The following PTK2 variants were observed in gnomAD, a reference collection of about 807,000 sequenced individuals.
PTK2 encodes protein tyrosine kinase 2, also known as focal adhesion kinase 1.
Under a neutral mutation model 150.1 loss-of-function variants are expected in PTK2, and 45 were observed. That is an observed-to-expected ratio of 0.30 (90% CI 0.24 to 0.38). The LOEUF (loss-of-function observed/expected upper bound fraction) is 0.38, where lower values mean the gene tolerates loss of function less well. PTK2 is among the 10% of genes least tolerant of loss of function. The pLI is 1.00. For missense variants in PTK2, 919 were observed against 1,307.3 expected (o/e 0.70, Z 4.58); for synonymous variants, 432 against 449.2 (o/e 0.96, Z 0.48).
At chr8:140,680,355 G>C (rs2100016294) in intron 27 of PTK2, among the ~76,000 whole-genome samples, 2 of 152,102 alleles carry the variant, frequency 1.3e-5, no homozygotes, top group Non-Finnish European at 2.9e-5. Flanking sequence ...AGCCTTCTGA[G>C]TAGCTGGGAT....
At chr8:140,853,001 AACCAGATAATTTAT>A (rs975592698) in intron 5 of PTK2, among the ~76,000 whole-genome samples, 4 of 152,182 alleles carry the variant, frequency 2.6e-5, no homozygotes, top group East Asian at 1.9e-4. Context: ...CACCAATTTG[AACCAGATAATTTAT>A]GCACACACTG....
At chr8:140,975,678 G>C (rs2100189029) in intron 1 of PTK2, among the ~76,000 whole-genome samples, 2 of 152,266 alleles carry the variant, frequency 1.3e-5, no homozygotes, top group South Asian at 2.1e-4. Flanking sequence ...GACCCCCGAA[G>C]GCTGAAGTTT....
chr8:140,694,839 A>G (rs1403708347), intron 26 of PTK2, among the ~76,000 whole-genome samples: 1 of 152,240 alleles, frequency 6.6e-6, no homozygotes, highest in Non-Finnish European at 1.5e-5. Context: ...TGTGCTCATA[A>G]CCAGAGACCT....
chr8:140,818,811 GAT>G (rs2100106334), intron 9 of PTK2, 67 bp downstream of exon 9: 2 of 1,479,034 alleles, frequency 1.4e-6, no homozygotes, highest in Admixed American at 2.3e-5. Flanking sequence ...CAGAAATTTA[GAT>G]ATACAGCAAG....
At chr8:140,735,529 T>C (rs2100052114) in intron 21 of PTK2, 74 bp from the exon 25 acceptor site, 2 of 1,477,578 alleles carry the variant, frequency 1.4e-6, no homozygotes, top group Non-Finnish European at 1.9e-6. Context: ...AGGAACATTG[T>C]TCTTCTAGGC....
intron 1 of PTK2, among the ~76,000 whole-genome samples, chr8:140,996,601 C>G (rs2100197875): frequency 6.6e-6 from 1 of 152,180 alleles, no homozygotes; most frequent in South Asian, 2.1e-4. Flanking sequence ...TCTGAAAATC[C>G]CAGGGTCCTT....
intron 10 of PTK2, among the ~76,000 whole-genome samples, chr8:140,817,087 G>A (rs892486375): frequency 1.3e-5 from 2 of 152,196 alleles, no homozygotes; most frequent in African/African-American, 4.8e-5. Flanking sequence ...GGAGGAAGGG[G>A]CAAAGAAAGG....
chr8:140,945,940 T>C (rs2100177544), intron 1 of PTK2, among the ~76,000 whole-genome samples: 1 of 152,192 alleles, frequency 6.6e-6, no homozygotes, highest in Non-Finnish European at 1.5e-5. Flanking sequence ...CCATCAGTTT[T>C]TTCAATCAGT....
At chr8:140,833,181 A>C in intron 7 of PTK2, 1 of 400,556 alleles carries the variant, frequency 2.5e-6, no homozygotes, top group South Asian at 1.9e-5. Context: ...CCATTAAAAA[A>C]AAAAGAAACC....
chr8:140,799,157 T>G (rs1197670346), intron 12 of PTK2: 1 of 152,240 alleles, frequency 6.6e-6, no homozygotes, highest in East Asian at 1.9e-4. Flanking sequence ...TTACCTCTTT[T>G]GAGATACATA....
rs1267392320 is a variant in PTK2, at chr8:140,830,082, CAT to C, written c.648+388_648+389del. Among the ~76,000 whole-genome samples, 837 of 97,910 alleles carry C rather than the reference CAT, an allele frequency of 8.5e-3. 6 individuals carry two copies. Among genetic ancestry groups the C allele is most frequent in the African/African-American group, 0.047 (791 of 16,782 alleles). The allele number at this position is 97,910 out of a possible 152,430, so 64.2% of individuals were successfully genotyped here. On this transcript the variant is annotated intron_variant, in intron 8 of 31. Coordinates refer to ENST00000522684, the Ensembl canonical transcript of PTK2. Reference sequence around the variant, plus strand: ...AAATGCACTAACATGCACGCACACACATACACACACACACACACACACACACA... The same window carrying C: ...AAATGCACTAACATGCACGCACACACACACACACACACACACACACACACA...
At chr8:140,670,106 T>C (rs1396502374) in intron 29 of PTK2, 61 of 187,454 alleles carry the variant, frequency 3.3e-4, no homozygotes, top group Non-Finnish European at 6.0e-4. Context: ...TACTGAAAAG[T>C]GCCCATCTGA....
intron 7 of PTK2, among the ~76,000 whole-genome samples, chr8:140,837,231 G>C (rs1473175363): frequency 6.6e-6 from 1 of 152,126 alleles, no homozygotes. Context: ...CCAGGGACAG[G>C]GGTTGGGGGA....
intron 23 of PTK2, among the ~76,000 whole-genome samples, chr8:140,707,138 A>T (rs956503261): frequency 6.6e-6 from 1 of 152,252 alleles, no homozygotes; most frequent in Non-Finnish European, 1.5e-5. Context: ...CTAGAATAGG[A>T]AAGATTAATA....
intron 5 of PTK2, among the ~76,000 whole-genome samples, chr8:140,847,824 C>T (rs2100126548): frequency 1.3e-5 from 2 of 152,244 alleles, no homozygotes; most frequent in Admixed American, 6.5e-5. Context: ...TGACTGCCTC[C>T]TAGCCTGCTA....
In PTK2 at chr8:140,764,011, C is replaced by A. The variant is rs1468731075; in HGVS notation, c.1234+223G>T. On this transcript the variant is annotated intron_variant, in intron 15 of 31. Transcript: ENST00000522684. The stretch of plus-strand genomic sequence containing the variant: ...AGTCAGAAAACAAGATTACAAAAAT[C>A]CTGTAACTAAAAATTATTACAGATA... Among the ~76,000 whole-genome samples, 3 of 152,100 alleles carry A rather than the reference C, an allele frequency of 2.0e-5. No individual in the cohort carries two copies. In the East Asian group the frequency reaches 5.8e-4, roughly 29 times the overall value.
At chr8:140,858,703 A>T (rs2100134306) in intron 5 of PTK2, among the ~76,000 whole-genome samples, 1 of 152,208 alleles carries the variant, frequency 6.6e-6, no homozygotes, top group Admixed American at 6.5e-5. Flanking sequence ...GAACATTAGA[A>T]AAATGGATCT....
chr8:140,946,208 T>C (rs1189956680), intron 1 of PTK2, among the ~76,000 whole-genome samples: 1 of 152,060 alleles, frequency 6.6e-6, no homozygotes, highest in African/African-American at 2.4e-5. Context: ...CCTAAGAATA[T>C]TAAGCAAACA....
At chr8:140,721,371 T>G (rs983330264) in intron 22 of PTK2, among the ~76,000 whole-genome samples, 2 of 152,168 alleles carry the variant, frequency 1.3e-5, no homozygotes, top group African/African-American at 4.8e-5. Flanking sequence ...GTCTTTGAAC[T>G]TGACAAATGT....
Sources: allele counts gnomAD v4.1 joint callset (sites outside exome capture counted in the v4.1 genomes callset), GRCh38; gene constraint gnomAD v4.1.1; transcripts MANE v1.5; gene names NCBI Gene and HGNC (gene_info 2026-07-23, HGNC 2026-07-21).